The following POLR3D variants were observed in gnomAD, a reference collection of about 807,000 sequenced individuals.
POLR3D encodes RNA polymerase III subunit D, also known as DNA-directed RNA polymerase III subunit RPC4.
In POLR3D, 42 loss-of-function variants were observed where a neutral mutation model predicts 44.5. The observed-to-expected ratio is 0.94, with a 90% CI of 0.74 to 1.22. The LOEUF is 1.22. Ranked by LOEUF, POLR3D falls within the 50% of genes most tolerant of loss-of-function variation. The pLI, the probability that POLR3D is intolerant of heterozygous loss-of-function variation, is 0.00. For missense variants in POLR3D, 507 were observed against 505.2 expected, an observed-to-expected ratio of 1.00 and a Z score of -0.03; for synonymous variants, 217 against 198.1, an observed-to-expected ratio of 1.10 and a Z score of -0.80.
chr8:22,250,471 G>C lies in POLR3D; in HGVS notation c.1150G>C (p.Val384Leu). 2 of 1,614,190 alleles carry C rather than the reference G, an allele frequency of 1.2e-6. No homozygotes were observed. Among genetic ancestry groups the C allele is most frequent in the Non-Finnish European group, 1.7e-6 (2 of 1,180,018 alleles). The change falls in exon 9 of 9, where the codon GTA (valine) becomes CTA (leucine). Residue 384 changes from valine (V) to leucine (L), a missense_variant. By Grantham distance (32) the Val-to-Leu change is conservative. Transcript: ENST00000306433. ...TVLGHVKHKL[V>L]CSPDFESLLD... ...CCTGGGACACGTGAAGCACAAACTT[G>C]TATGTTCCCCTGATTTTGAATCCCT...
At chr8:22,249,500 G>A (rs1403961390) in intron 7 of POLR3D, among the ~76,000 whole-genome samples, 191 bp downstream of exon 7, 2 of 152,180 alleles carry the variant, frequency 1.3e-5, no homozygotes, top group African/African-American at 4.8e-5. Flanking sequence ...GGGGGTGTGT[G>A]TTCACTTCTT....
rs1366440738 is a variant in POLR3D at position 22,248,023 on chromosome 8, T to A, written c.361+15T>A. On this transcript the variant is annotated intron_variant, in intron 4 of 8. Coordinates refer to ENST00000306433, the MANE Select transcript of POLR3D (RefSeq NM_001722.3). ...GAAGAAAAAAGGTATAAGGAAGGAA[T>A]CAGTGAATTTCAGTTCAGACTGCCC... is the stretch of plus-strand genomic sequence containing the variant. 2 of 1,609,794 alleles carry A rather than the reference T, an allele frequency of 1.2e-6. No homozygotes were observed. Among genetic ancestry groups the A allele is most frequent in the South Asian group, 2.2e-5 (2 of 90,912 alleles).
chr8:22,250,546 T>C lies in POLR3D; in HGVS notation c.*28T>C. On this transcript the variant is annotated 3_prime_UTR_variant, in exon 9 of 9. Coordinates refer to ENST00000306433, the MANE Select transcript of POLR3D (RefSeq NM_001722.3). ...TGAGCAGGTGGAGGAGGACGGCGCC[T>C]GTGCCCACGGCTGCTGCCTGCTCCA... is the stretch of plus-strand genomic sequence containing the variant. 1 of 1,613,742 alleles carries C rather than the reference T, an allele frequency of 6.2e-7. No individual in the cohort carries two copies. The highest frequency in any genetic ancestry group is 8.5e-7 in the Non-Finnish European group (1 of 1,179,800).
rs756025036 is a variant in POLR3D, at chr8:22,248,549, A to G, written c.555A>G (p.Ser185=). 5.0e-6 allele frequency: 8 copies of G among 1,614,090 alleles called. No individual in the cohort carries two copies. The South Asian group carries it at 8.8e-5, about 18-fold the overall frequency. The change falls in exon 6 of 9, where the codon TCA becomes TCG. Residue 185 remains serine, a synonymous_variant. Coordinates refer to ENST00000306433, the MANE Select transcript of POLR3D (RefSeq NM_001722.3). ...CTGTGCAGCTGCCGCTGGCTCACTC[A>G]GGATGGCTTTTTAAGGAAGAAAATG... ...NMPVQLPLAH[S]GWLFKEENDE...
Position 22,251,616 on chromosome 8 carries a change from T to C in POLR3D, c.*1098T>C, listed in dbSNP as rs756491051. On this transcript the variant is annotated 3_prime_UTR_variant, in exon 9 of 9. Coordinates refer to ENST00000306433, the MANE Select transcript of POLR3D (RefSeq NM_001722.3). The stretch of plus-strand genomic sequence containing the variant: ...CCGATGATGCCCACTTCAAAAACTT[T>C]GGGTTTCAGAGGCCTGCCCGTCTCC... 2 of 153,450 alleles carry C rather than the reference T, an allele frequency of 1.3e-5. No homozygotes were observed. Among genetic ancestry groups the C allele is most frequent in the African/African-American group, 2.4e-5 (1 of 41,446 alleles). 9.5% of individuals were successfully genotyped at this position (153,450 alleles called of 1,614,324 possible).
Position 22,249,356 on chromosome 8 carries a change from G to A in POLR3D, c.921+47G>A, listed in dbSNP as rs369035977. 1.4e-5 allele frequency: 22 copies of A among 1,594,690 alleles called. 1 individual carries two copies. The African/African-American group carries it at 1.7e-4, about 13-fold the overall frequency. The stretch of plus-strand genomic sequence containing the variant: ...CGGGAATCAAGTCGGGGACTGGGAC[G>A]GGAAGTGGTGACCTGTAGTGGGAAG... On this transcript the variant is annotated intron_variant, in intron 7 of 8. Transcript: ENST00000306433.
At chr8:22,245,377 G>C (rs567998987) in intron 1 of POLR3D, 68 bp from the exon 2 acceptor site, 2 of 1,201,526 alleles carry the variant, frequency 1.7e-6, no homozygotes, top group Admixed American at 3.4e-5. Context: ...GGAAAGCAAG[G>C]GGGTGGGGTT....
rs1563323536 is a variant in POLR3D, at chr8:22,254,275, G to A, written c.*3757G>A. 1 of 152,164 alleles carries A rather than the reference G, an allele frequency of 6.6e-6. No homozygotes were observed. Among genetic ancestry groups the A allele is most frequent in the East Asian group, 1.9e-4 (1 of 5,194 alleles). The allele number at this position is 152,164 out of a possible 1,614,324, so 9.4% of individuals were successfully genotyped here. A position where few individuals can be genotyped will look rare whatever the true frequency, so the allele number is the denominator to read the frequency against. On this transcript the variant is annotated 3_prime_UTR_variant, in exon 9 of 9. Coordinates refer to ENST00000306433, the MANE Select transcript of POLR3D (RefSeq NM_001722.3). ...AGCACATGATTTCATTGTATTTTAT[G>A]ACTGCTCATGTATATTATTTCAGCC... is the stretch of plus-strand genomic sequence containing the variant.
At chr8:22,250,316 G>A in intron 8 of POLR3D, 80 bp from the exon 9 acceptor site, 4 of 1,608,246 alleles carry the variant, frequency 2.5e-6, no homozygotes, top group Non-Finnish European at 3.4e-6. Context: ...GGGGTTTCTG[G>A]GAGTATCATG....
At position 22,253,536 on chromosome 8, in the gene POLR3D, A is replaced by C. The variant is rs1830122150; in HGVS notation, c.*3018A>C. On this transcript the variant is annotated 3_prime_UTR_variant, in exon 9 of 9. Transcript: ENST00000306433. ...GCTGCCATGTTCAAAAAATGCTGCA[A>C]TGTAAAATCATAAAGTATTCATCTA... 1 of 152,234 alleles carries C rather than the reference A, an allele frequency of 6.6e-6. No individual in the cohort carries two copies. Among genetic ancestry groups the C allele is most frequent in the African/African-American group, 2.4e-5 (1 of 41,468 alleles). The allele number at this position is 152,234 out of a possible 1,614,324, so 9.4% of individuals were successfully genotyped here.
At chr8:22,245,367 G>A in intron 1 of POLR3D, 78 bp from the exon 2 acceptor site, 1 of 1,150,378 alleles carries the variant, frequency 8.7e-7, no homozygotes, top group Non-Finnish European at 1.1e-6. Context: ...CTGGGGGACC[G>A]GAAAGCAAGG....
intron 2 of POLR3D, among the ~76,000 whole-genome samples, chr8:22,246,162 T>G (rs1245681111): frequency 6.6e-6 from 1 of 152,196 alleles, no homozygotes; most frequent in Non-Finnish European, 1.5e-5. Flanking sequence ...AGTCTCGCCG[T>G]TGTCCCCCAG....
chr8:22,250,241 T>C lies in POLR3D; in HGVS notation c.1074+14T>C. 1 of 1,613,854 alleles carries C rather than the reference T, an allele frequency of 6.2e-7. No individual in the cohort carries two copies. Among genetic ancestry groups the C allele is most frequent in the Non-Finnish European group, 8.5e-7 (1 of 1,179,920 alleles). The stretch of plus-strand genomic sequence containing the variant: ...TCCTTCCTGCAGGTAAGAGCCTCCT[T>C]AGGGGCAAGGAGGGACCCTTTCAGG... On this transcript the variant is annotated intron_variant, in intron 8 of 8. Coordinates refer to ENST00000306433, the MANE Select transcript of POLR3D (RefSeq NM_001722.3).
Position 22,249,176 on chromosome 8 carries a change from A to T in POLR3D, c.788A>T (p.Glu263Val), listed in dbSNP as rs750375403. 2 of 1,613,972 alleles carry T rather than the reference A, an allele frequency of 1.2e-6. No homozygotes were observed. The highest frequency in any genetic ancestry group is 1.7e-6 in the Non-Finnish European group (2 of 1,180,008). Residue 263 changes from glutamate to valine, a missense_variant, in exon 7 of 9, where the codon GAA (glutamate) becomes GTA (valine). Physicochemically the swap from Glu to Val is moderately radical, Grantham distance 121. Coordinates refer to ENST00000306433, the MANE Select transcript of POLR3D (RefSeq NM_001722.3). ...ELLRELSLTK[E>V]EELLFLQLPD... ...CTGAGGGAGCTGAGCCTCACCAAGGAAGAGGAACTGCTGTTTCTGCAGCTG... is the reference window on the plus strand; with the variant it reads ...CTGAGGGAGCTGAGCCTCACCAAGGTAGAGGAACTGCTGTTTCTGCAGCTG...
chr8:22,250,430 CA>C lies in POLR3D; in HGVS notation c.1110del (p.Glu372ArgfsTer2), dbSNP rs781134387. ...TCCGTGGGCCTTGGAGACAGTAGGACAGGGGAGATGACAGTCCTGGGACACG... is the reference window on the plus strand; with the variant it reads ...TCCGTGGGCCTTGGAGACAGTAGGACGGGGAGATGACAGTCCTGGGACACG... The part of the protein sequence containing the change: ...LVSVGLGDSR[T>X]GEMTVLGHVK... On this transcript the variant is annotated frameshift_variant, in exon 9 of 9. Coordinates refer to ENST00000306433, the MANE Select transcript of POLR3D (RefSeq NM_001722.3). LOFTEE classifies it high-confidence loss of function. The C allele has an allele frequency of 2.5e-6, 4 of 1,614,144 alleles. No individual in the cohort carries two copies. Among genetic ancestry groups the C allele is most frequent in the Non-Finnish European group, 3.4e-6 (4 of 1,180,022 alleles).
intron 5 of POLR3D, 73 bp downstream of exon 5, chr8:22,248,351 G>A (rs1457501915): frequency 3.0e-5 from 47 of 1,585,658 alleles, no homozygotes; most frequent in Non-Finnish European, 3.9e-5. Flanking sequence ...GCCAGGTGAG[G>A]GGTAGAAGAG....
In POLR3D at chr8:22,247,866, A is replaced by G; in HGVS notation, c.219A>G (p.Glu73=). 6.2e-7 allele frequency: 1 copy of G among 1,613,386 alleles called. No homozygotes were observed. Among genetic ancestry groups the G allele is most frequent in the Non-Finnish European group, 8.5e-7 (1 of 1,179,776 alleles). ...CCATTCTTTTTTCCAGGCCCAAGGAAGAAGTAACTGTCAAGAAGGAGAAGC... is the reference window on the plus strand; with the variant it reads ...CCATTCTTTTTTCCAGGCCCAAGGAGGAAGTAACTGTCAAGAAGGAGAAGC... ...ISRKIKEEPK[E]EVTVKKEKRE... The change falls in exon 4 of 9, where the codon GAA becomes GAG. Residue 73 remains glutamate, a synonymous_variant. Coordinates refer to ENST00000306433, the MANE Select transcript of POLR3D (RefSeq NM_001722.3).
intron 6 of POLR3D, 78 bp from the exon 7 acceptor site, chr8:22,248,965 CA>C (rs1830071344): frequency 1.3e-6 from 2 of 1,512,648 alleles, no homozygotes; most frequent in African/African-American, 1.4e-5. Context: ...GTGGAGCAGA[CA>C]GGGGCAAAGG....
At chr8:22,249,397 C>G (rs1830077687) in intron 7 of POLR3D, 88 bp downstream of exon 7, 3 of 1,442,036 alleles carry the variant, frequency 2.1e-6, no homozygotes, top group African/African-American at 1.4e-5. Flanking sequence ...CCGTGTCACC[C>G]TGGCTGAAAT....
Sources: allele counts gnomAD v4.1 joint callset (sites outside exome capture counted in the v4.1 genomes callset), GRCh38; gene constraint gnomAD v4.1.1; transcripts MANE v1.5; gene names NCBI Gene and HGNC (gene_info 2026-07-23, HGNC 2026-07-21).